ANKRD30B: variants seen among roughly 807,000 people sequenced by gnomAD.
ANKRD30B encodes the protein ankyrin repeat domain-containing protein 30B.
In ANKRD30B, 144 loss-of-function variants were observed where a neutral mutation model predicts 202.2. That is an observed-to-expected ratio of 0.71 (90% confidence interval 0.62 to 0.82). The LOEUF is 0.82. ANKRD30B is among the 40% of genes least tolerant of loss of function. ANKRD30B has a pLI of 0.00. For missense variants in ANKRD30B, 1,487 were observed against 1,669.1 expected, an observed-to-expected ratio of 0.89 and a Z score of 1.90; for synonymous variants, 508 against 561.3, an observed-to-expected ratio of 0.91 and a Z score of 1.34.
chr18:14,897,029 T>A, the ANKRD30B span, among the ~76,000 whole-genome samples: 1 of 143,804 alleles, frequency 7.0e-6, no homozygotes, highest in Non-Finnish European at 1.5e-5. Context: ...CAAGGGAGGA[T>A]GTGAGGAATA....
At chr18:14,889,756 G>C in the ANKRD30B span, among the ~76,000 whole-genome samples, 2 of 150,130 alleles carry the variant, frequency 1.3e-5, no homozygotes, top group Admixed American at 1.3e-4. Flanking sequence ...TTAGAGGTCA[G>C]CTGATTCAAC....
chr18:14,845,129 C>A (rs1440465296), intron 39 of ANKRD30B, among the ~76,000 whole-genome samples: 1 of 151,924 alleles, frequency 6.6e-6, no homozygotes, highest in Admixed American at 6.6e-5. Flanking sequence ...GCTTCTGTTG[C>A]CATGGCTTTT....
the ANKRD30B span, among the ~76,000 whole-genome samples, chr18:14,861,166 A>G: frequency 3.3e-5 from 5 of 152,224 alleles, no homozygotes; most frequent in African/African-American, 1.2e-4. Flanking sequence ...ACTTGCTACC[A>G]TAAAAGCATA....
intron 22 of ANKRD30B, among the ~76,000 whole-genome samples, chr18:14,800,355 C>A (rs1467184411): frequency 6.7e-6 from 1 of 150,092 alleles, no homozygotes; most frequent in Non-Finnish European, 1.5e-5. Flanking sequence ...TCGCCCATCT[C>A]GTTGTCTTGC....
chr18:14,904,896 C>A, the ANKRD30B span, among the ~76,000 whole-genome samples: 21 of 152,186 alleles, frequency 1.4e-4, no homozygotes, highest in Non-Finnish European at 2.6e-4. Context: ...ACCTACTGGG[C>A]TGCATTCCCA....
In ANKRD30B at chr18:14,810,190, G is replaced by T. The variant is rs370584798; in HGVS notation, c.2488+10G>T. On this transcript the variant is annotated intron_variant, in intron 28 of 43. Transcript: ENST00000690538. ...GAAACATTAAAAGCAGGTAAACTTT[G>T]TAATTTAAATTTTACTCTGGAATTA... 1 of 1,341,596 alleles carries T rather than the reference G, an allele frequency of 7.5e-7. No individual in the cohort carries two copies. The highest frequency in any genetic ancestry group is 1.0e-6 in the Non-Finnish European group (1 of 982,120). The allele number at this position is 1,341,596 out of a possible 1,614,324, so 83.1% of individuals were successfully genotyped here. A position where few individuals can be genotyped will look rare whatever the true frequency, so the allele number is the denominator to read the frequency against.
At chr18:14,881,993 T>C in the ANKRD30B span, among the ~76,000 whole-genome samples, 60,730 of 151,988 alleles carry the variant, frequency 0.4, 13,481 homozygotes, top group East Asian at 0.58. Flanking sequence ...ATTTTCTCTC[T>C]TCTTTTCTTG....
chr18:14,865,563 A>C, the ANKRD30B span, among the ~76,000 whole-genome samples: 2 of 147,434 alleles, frequency 1.4e-5, no homozygotes, highest in Non-Finnish European at 3.0e-5. Flanking sequence ...TTTCTGTGAA[A>C]CCTTCCGTCC....
At position 14,784,491 on chromosome 18, in the gene ANKRD30B, C is replaced by G; in HGVS notation, c.1628C>G (p.Pro543Arg). The change falls in exon 14 of 44, where the codon CCA becomes CGA. Residue 543 changes from proline (P) to arginine (R), a missense_variant. Pro to Arg is a moderately radical substitution (Grantham distance 103, BLOSUM62 -2). Transcript: ENST00000690538. Reference sequence around the variant, plus strand: ...GCCGTTGAAATGCAAAAGACTGTTCCAAATAAAGCCTTTGAATTGAAGAAT... The same window carrying G: ...GCCGTTGAAATGCAAAAGACTGTTCGAAATAAAGCCTTTGAATTGAAGAAT... ...KPAVEMQKTV[P>R]NKAFELKNEQ... is the part of the protein sequence containing the mutation. 1 of 1,613,040 alleles carries G rather than the reference C, an allele frequency of 6.2e-7. No individual in the cohort carries two copies. Among genetic ancestry groups the G allele is most frequent in the Non-Finnish European group, 8.5e-7 (1 of 1,179,312 alleles).
the ANKRD30B span, among the ~76,000 whole-genome samples, chr18:14,868,946 A>G: frequency 6.6e-6 from 1 of 152,250 alleles, no homozygotes; most frequent in Non-Finnish European, 1.5e-5. Context: ...AGATGTGTGA[A>G]GGCAAAAAGG....
chr18:14,757,475 T>C (rs760381656), intron 4 of ANKRD30B, among the ~76,000 whole-genome samples: 2 of 152,234 alleles, frequency 1.3e-5, no homozygotes, highest in Non-Finnish European at 2.9e-5. Context: ...CTCTCTCTTG[T>C]CTGACTTCTA....
Position 14,752,952 on chromosome 18 carries a change from G to T in ANKRD30B, c.450G>T (p.Glu150Asp), listed in dbSNP as rs1468982864. 3.1e-6 allele frequency: 5 copies of T among 1,603,770 alleles called. No homozygotes were observed. In the Admixed American group the frequency reaches 6.8e-5, roughly 22 times the overall value. ...NTALHYAVYS[E>D]NLLMVATLLS... ...CTCTCCATTATGCCGTTTATAGTGAGAATTTGTTAATGGTGGCAACACTGC... is the reference window on the plus strand; with the variant it reads ...CTCTCCATTATGCCGTTTATAGTGATAATTTGTTAATGGTGGCAACACTGC... The change falls in exon 3 of 44, where the codon GAG becomes GAT. Residue 150 changes from glutamate (E) to aspartate (D), a missense_variant. Physicochemically the swap from Glu to Asp is conservative, Grantham distance 45 (BLOSUM62 2). Around this residue, in one of 6 missense-constraint regions of ANKRD30B, gnomAD observed 889 missense variants for 841.4 expected, o/e 1.06. Transcript: ENST00000690538.
chr18:14,761,394 T>A, intron 6 of ANKRD30B, among the ~76,000 whole-genome samples: 1 of 152,174 alleles, frequency 6.6e-6, no homozygotes, highest in East Asian at 1.9e-4. Context: ...AGGCTTTGAG[T>A]CAACATACCT....
At chr18:14,787,816 C>T (rs554439869) in intron 15 of ANKRD30B, among the ~76,000 whole-genome samples, 1 of 152,256 alleles carries the variant, frequency 6.6e-6, no homozygotes, top group Admixed American at 6.5e-5. Context: ...CTCTTAGAAA[C>T]AAGCAGCTGC....
chr18:14,863,383 T>C, the ANKRD30B span, among the ~76,000 whole-genome samples: 1 of 152,178 alleles, frequency 6.6e-6, no homozygotes, highest in Non-Finnish European at 1.5e-5. Flanking sequence ...TAAAACAGCC[T>C]GCCGTGTTCC....
At chr18:14,859,387 T>G (rs1303783864), downstream of ANKRD30B, among the ~76,000 whole-genome samples, 1 of 17,822 alleles carries the variant, frequency 5.6e-5, no homozygotes, top group Admixed American at 4.0e-4. Flanking sequence ...TGCTCCTCAC[T>G]TCCCAGATGG....
In ANKRD30B at chr18:14,756,251, G is replaced by A. The variant is rs570043376; in HGVS notation, c.617+1246G>A. Among the ~76,000 whole-genome samples, 238 of 152,188 alleles carry A rather than the reference G, an allele frequency of 1.6e-3. 1 individual carries two copies. Among genetic ancestry groups the A allele is most frequent in the Middle Eastern group, 6.8e-3 (2 of 294 alleles). ...CCTTTGCCCACTTTTTGATGGGGTT[G>A]TTTGTTTTTTTCTTGTAAATTTGTT... On this transcript the variant is annotated intron_variant, in intron 4 of 43. Transcript: ENST00000690538.
the ANKRD30B span, among the ~76,000 whole-genome samples, chr18:14,917,792 A>G: frequency 6.6e-6 from 1 of 152,212 alleles, no homozygotes; most frequent in Non-Finnish European, 1.5e-5. Flanking sequence ...GTACACTTGT[A>G]AGCAAAAGAA....
chr18:14,755,457 G>C (rs917206031), intron 4 of ANKRD30B, among the ~76,000 whole-genome samples: 2 of 151,818 alleles, frequency 1.3e-5, no homozygotes, highest in Middle Eastern at 3.2e-3. Flanking sequence ...GTGCAGGTTT[G>C]TTACATATGT....
Sources: allele counts gnomAD v4.1 joint callset (sites outside exome capture counted in the v4.1 genomes callset), GRCh38; gene constraint gnomAD v4.1.1; regional missense constraint gnomAD v4.1.1; transcripts MANE v1.5; gene names NCBI Gene and HGNC (gene_info 2026-07-23, HGNC 2026-07-21).